Variants in ASIC2 observed in about 807,000 individuals in gnomAD.
ASIC2 encodes the protein acid sensing ion channel subunit 2.
In ASIC2, 25 loss-of-function variants were observed where a neutral mutation model predicts 57.3. The observed-to-expected ratio is 0.44, with a 90% CI of 0.32 to 0.61. The LOEUF (loss-of-function observed/expected upper bound fraction) is 0.61, where lower values mean the gene tolerates loss of function less well. Among genes scored for constraint, ASIC2 ranks in the 20% least tolerant of loss-of-function variants. The pLI, the probability that ASIC2 is intolerant of heterozygous loss-of-function variation, is 0.06. For missense variants in ASIC2, 641 were observed against 738.1 expected, an observed-to-expected ratio of 0.87 and a Z score of 1.52; for synonymous variants, 319 against 307.5, an observed-to-expected ratio of 1.04 and a Z score of -0.39.
At position 33,683,548 on chromosome 17, in the gene ASIC2, A is replaced by T. The variant is rs576812631; in HGVS notation, c.555+472430T>A. ...CATCATGCCCAGATAGTTTTTTTTT[A>T]AAAATCTTGTAGAGATAGGGTCTTG... On this transcript the variant is annotated intron_variant, in intron 1 of 9. Coordinates refer to the ASIC2 transcript ENST00000359872. Among the ~76,000 whole-genome samples the T allele has an allele frequency of 3.8e-4, 58 of 151,640 alleles. 1 individual carries two copies. Among genetic ancestry groups the T allele is most frequent in the Non-Finnish European group, 5.2e-4 (35 of 67,840 alleles).
At chr17:33,599,151 T>C (rs565290277) in intron 1 of ASIC2, among the ~76,000 whole-genome samples, 3 of 152,352 alleles carry the variant, frequency 2.0e-5, no homozygotes, top group South Asian at 4.1e-4. Flanking sequence ...GATCATGCTT[T>C]GAGACACATA....
intron 1 of ASIC2, among the ~76,000 whole-genome samples, chr17:33,393,565 T>C (rs1418489273): frequency 2.0e-5 from 3 of 152,166 alleles, no homozygotes; most frequent in Non-Finnish European, 4.4e-5. Flanking sequence ...CATCGACTAG[T>C]TGTGCTGCTT....
At position 34,138,676 on chromosome 17, in the gene ASIC2, TAA is replaced by T. The variant is rs1027384477; in HGVS notation, c.555+17300_555+17301del. On this transcript the variant is annotated intron_variant, in intron 1 of 9. Transcript: ENST00000359872. The stretch of plus-strand genomic sequence containing the variant: ...TAGTGAGAGAACCACATCTGAGCAA[TAA>T]AGAGTCCCACCATGGGATATCACGG... 9.8e-5 allele frequency among the ~76,000 whole-genome samples: 15 copies of T among 152,302 alleles called. No homozygotes were observed. The East Asian group carries it at 2.5e-3, about 25-fold the overall frequency.
At chr17:33,943,247 G>A (rs1404674552) in intron 1 of ASIC2, among the ~76,000 whole-genome samples, 2 of 152,224 alleles carry the variant, frequency 1.3e-5, no homozygotes, top group African/African-American at 4.8e-5. Context: ...AAGAGGAGAA[G>A]CGCAGGGAAG....
chr17:33,741,057 T>C (rs763232840), intron 1 of ASIC2, among the ~76,000 whole-genome samples: 3 of 152,122 alleles, frequency 2.0e-5, no homozygotes, highest in Non-Finnish European at 4.4e-5. Context: ...CTTGCTCAGG[T>C]AGACCCAGAA....
Position 34,045,647 on chromosome 17 carries a change from G to A in ASIC2, c.555+110331C>T, listed in dbSNP as rs77529313. ...TCTTCTGCAGAATGAAGGGATTAAA[G>A]AGTTGTTTTATGTTCAGAAGAGGTG... On this transcript the variant is annotated intron_variant, in intron 1 of 9. Coordinates refer to the ASIC2 transcript ENST00000359872. Among the ~76,000 whole-genome samples, 1,394 of 152,294 alleles carry A rather than the reference G, an allele frequency of 9.2e-3. 11 individuals carry two copies. Among genetic ancestry groups the A allele is most frequent in the Non-Finnish European group, 0.015 (999 of 68,028 alleles).
At chr17:33,941,759 C>T (rs566454132) in intron 1 of ASIC2, among the ~76,000 whole-genome samples, 2 of 152,262 alleles carry the variant, frequency 1.3e-5, no homozygotes, top group South Asian at 2.1e-4. Flanking sequence ...GGGAGGGGAT[C>T]CCCTGTGCTT....
chr17:33,753,018 AT>A (rs1185864932), intron 1 of ASIC2, among the ~76,000 whole-genome samples: 3 of 152,254 alleles, frequency 2.0e-5, no homozygotes, highest in Non-Finnish European at 2.9e-5. Context: ...TAGCAATGTT[AT>A]TTATAATTGC....
intron 1 of ASIC2, among the ~76,000 whole-genome samples, chr17:34,098,776 C>T (rs1910636403): frequency 1.3e-5 from 2 of 152,136 alleles, no homozygotes; most frequent in Non-Finnish European, 2.9e-5. Flanking sequence ...CATCTGAACA[C>T]TCATTTTTTT....
chr17:33,999,936 C>G (rs73278419), intron 1 of ASIC2, among the ~76,000 whole-genome samples: 17,685 of 151,920 alleles, frequency 0.12, 1,816 homozygotes, highest in African/African-American at 0.25. Flanking sequence ...TTGTAAAGTG[C>G]TCTAGTGGTG....
At chr17:33,187,883 C>T (rs1165271105) in intron 1 of ASIC2, among the ~76,000 whole-genome samples, 1 of 142,394 alleles carries the variant, frequency 7.0e-6, no homozygotes, top group African/African-American at 2.6e-5. Context: ...CGCCTGACAG[C>T]CAATCAAAAA....
chr17:33,902,623 T>C (rs1054153989), intron 1 of ASIC2, among the ~76,000 whole-genome samples: 2 of 152,112 alleles, frequency 1.3e-5, no homozygotes, highest in African/African-American at 4.8e-5. Context: ...GGTTCCAGGA[T>C]TGCCCAGCCT....
intron 1 of ASIC2, among the ~76,000 whole-genome samples, chr17:33,981,399 A>T (rs1905617104): frequency 6.6e-6 from 1 of 152,172 alleles, no homozygotes; most frequent in South Asian, 2.1e-4. Flanking sequence ...TTACAAAAAC[A>T]TTGATGACTG....
intron 1 of ASIC2, chr17:33,834,212 A>T (rs775619930): frequency 2.7e-5 from 4 of 150,652 alleles, no homozygotes; most frequent in Non-Finnish European, 5.9e-5. Context: ...TCAGATGTCA[A>T]TCATTATCTT....
chr17:33,799,431 T>C (rs199863642), intron 1 of ASIC2, among the ~76,000 whole-genome samples: 1,471 of 22,248 alleles, frequency 0.066, 14 homozygotes, highest in Non-Finnish European at 0.086. Flanking sequence ...TTCTTTCTTC[T>C]TTCTTTCTTT....
chr17:33,869,837 G>A (rs1914343220), intron 1 of ASIC2, among the ~76,000 whole-genome samples: 1 of 152,308 alleles, frequency 6.6e-6, no homozygotes, highest in African/African-American at 2.4e-5. Context: ...GCACAACTCT[G>A]TGTTTATACT....
Position 33,311,033 on chromosome 17 carries a change from A to G in ASIC2, c.556-198966T>C, listed in dbSNP as rs575775803. On this transcript the variant is annotated intron_variant, in intron 1 of 9. Transcript: ENST00000359872. ...ACCTGCCAGAGCCCCTCTGGGTTCA[A>G]AAGCCCTGAGGAGGAATGGTACAAA... is the stretch of plus-strand genomic sequence containing the variant. Among the ~76,000 whole-genome samples the G allele has an allele frequency of 5.9e-5, 9 of 152,290 alleles. 1 individual carries two copies. The South Asian group carries it at 1.9e-3, about 32-fold the overall frequency.
intron 1 of ASIC2, among the ~76,000 whole-genome samples, chr17:33,503,492 A>G (rs1352789487): frequency 2.0e-5 from 3 of 152,094 alleles, no homozygotes; most frequent in Non-Finnish European, 4.4e-5. Context: ...TAACCAGGAT[A>G]TTGGCTCACC....
At chr17:34,120,535 G>A (rs1323844599) in intron 1 of ASIC2, among the ~76,000 whole-genome samples, 1 of 151,770 alleles carries the variant, frequency 6.6e-6, no homozygotes, top group Non-Finnish European at 1.5e-5. Flanking sequence ...TCAGGGGGTA[G>A]GGGAGAAGAG....
Sources: allele counts gnomAD v4.1 joint callset (sites outside exome capture counted in the v4.1 genomes callset), GRCh38; gene constraint gnomAD v4.1.1; transcripts MANE v1.5; gene names NCBI Gene and HGNC (gene_info 2026-07-23, HGNC 2026-07-21).